Variants in SPMIP7 observed in about 807,000 individuals in gnomAD.
The protein encoded by SPMIP7 is protein SPMIP7.
At chr7:50,142,782 T>C in the SPMIP7 span, 1 of 152,252 alleles carries the variant, frequency 6.6e-6, no homozygotes, top group Non-Finnish European at 1.5e-5. Flanking sequence ...CTTCCCCAGC[T>C]CAGAAGCTAT....
chr7:50,106,330 G>A, the SPMIP7 span, among the ~76,000 whole-genome samples: 2 of 152,180 alleles, frequency 1.3e-5, no homozygotes, highest in African/African-American at 4.8e-5. Context: ...AAGATCAGAA[G>A]TTGGAGTTGA....
chr7:50,159,184 C>G, the SPMIP7 span: 13 of 1,549,762 alleles, frequency 8.4e-6, no homozygotes, highest in Non-Finnish European at 1.0e-5. Context: ...GGCGGCCCTG[C>G]GCGGGCTGTC....
chr7:50,140,320 C>T, the SPMIP7 span: 1 of 474,010 alleles, frequency 2.1e-6, no homozygotes, highest in Middle Eastern at 3.4e-4. Flanking sequence ...GTGTGGCACA[C>T]AGTGCCTGTT....
chr7:50,126,740 A>C, the SPMIP7 span, among the ~76,000 whole-genome samples: 4 of 152,062 alleles, frequency 2.6e-5, no homozygotes, highest in Admixed American at 2.6e-4. Context: ...TAATCAATGT[A>C]ATTTAACATA....
the SPMIP7 span, chr7:50,151,371 G>T: frequency 6.5e-6 from 7 of 1,069,768 alleles, no homozygotes; most frequent in African/African-American, 3.2e-5. Flanking sequence ...TTTCATATTT[G>T]GGTGCTAGTT....
the SPMIP7 span, among the ~76,000 whole-genome samples, chr7:50,125,163 C>CATATATACACATATATATACACAT: frequency 2.6e-5 from 1 of 38,920 alleles, no homozygotes; most frequent in African/African-American, 1.1e-4. Flanking sequence ...TATATATACA[C>CATATATACACATATATATACACAT]ATATATACAC....
chr7:50,126,380 T>C, the SPMIP7 span, among the ~76,000 whole-genome samples: 1 of 90,026 alleles, frequency 1.1e-5, no homozygotes, highest in African/African-American at 4.4e-5. Flanking sequence ...TATATATCTG[T>C]TTTTTTTTTA....
chr7:50,142,303 T>G, the SPMIP7 span, among the ~76,000 whole-genome samples: 1 of 152,194 alleles, frequency 6.6e-6, no homozygotes, highest in Non-Finnish European at 1.5e-5. Flanking sequence ...AACATATTAT[T>G]TGGGGTCATT....
At chr7:50,123,636 G>C in the SPMIP7 span, among the ~76,000 whole-genome samples, 1 of 150,978 alleles carries the variant, frequency 6.6e-6, no homozygotes, top group Admixed American at 6.6e-5. Context: ...ATGTGAAGTG[G>C]TATGTTAACT....
chr7:50,096,622 C>A, the SPMIP7 span: 21 of 1,542,342 alleles, frequency 1.4e-5, no homozygotes, highest in Non-Finnish European at 1.8e-5. Context: ...ACATTTCTAT[C>A]AGAGCAAGAC....
At chr7:50,159,206 C>T in the SPMIP7 span, 1 of 1,543,358 alleles carries the variant, frequency 6.5e-7, no homozygotes, top group Non-Finnish European at 8.7e-7. Context: ...AGGCCTCCGC[C>T]TGGGGAAGGC....
the SPMIP7 span, among the ~76,000 whole-genome samples, chr7:50,109,739 T>G: frequency 2.6e-5 from 4 of 152,280 alleles, 1 homozygote; most frequent in Admixed American, 2.6e-4. Flanking sequence ...GATTATATAT[T>G]TTTATTATAT....
At chr7:50,118,368 CTG>C in the SPMIP7 span, among the ~76,000 whole-genome samples, 1 of 152,134 alleles carries the variant, frequency 6.6e-6, no homozygotes, top group Admixed American at 6.6e-5. Context: ...GGTGGGGTAA[CTG>C]TTATCAAATT....
the SPMIP7 span, chr7:50,159,208 G>T: frequency 3.2e-6 from 5 of 1,542,712 alleles, no homozygotes; most frequent in Non-Finnish European, 4.4e-6. Context: ...GCCTCCGCCT[G>T]GGGAAGGCTT....
At chr7:50,118,694 G>A in the SPMIP7 span, among the ~76,000 whole-genome samples, 1 of 152,164 alleles carries the variant, frequency 6.6e-6, no homozygotes, top group Non-Finnish European at 1.5e-5. Context: ...GCACCCAATG[G>A]CATCACCATT....
the SPMIP7 span, among the ~76,000 whole-genome samples, chr7:50,105,468 T>C: frequency 6.6e-6 from 1 of 152,220 alleles, no homozygotes; most frequent in South Asian, 2.1e-4. Context: ...CATGTTGATT[T>C]CTTTTTTTCT....
chr7:50,117,887 G>T, the SPMIP7 span, among the ~76,000 whole-genome samples: 1 of 152,224 alleles, frequency 6.6e-6, no homozygotes. Context: ...AAACAAAGAG[G>T]GGGACCCCCC....
At chr7:50,125,946 CAA>C in the SPMIP7 span, among the ~76,000 whole-genome samples, 210 of 151,974 alleles carry the variant, frequency 1.4e-3, 3 homozygotes, top group African/African-American at 4.8e-3. Flanking sequence ...TGAAATGTGA[CAA>C]GAGAAAGATT....
chr7:50,109,216 G>T, the SPMIP7 span, among the ~76,000 whole-genome samples: 3 of 152,118 alleles, frequency 2.0e-5, no homozygotes, highest in Non-Finnish European at 4.4e-5. Flanking sequence ...TTATGGCTCA[G>T]AAATAGTTTT....
Sources: gnomAD v4.1 joint callset for allele counts (sites outside exome capture counted in the v4.1 genomes callset) on GRCh38, gnomAD v4.1.1 for gene constraint, MANE v1.5 for transcripts, NCBI Gene and HGNC (gene_info 2026-07-23, HGNC 2026-07-21) for gene names.